Variants in DNAH7 observed in about 807,000 individuals in gnomAD.
DNAH7 encodes dynein axonemal heavy chain 7.
A neutral mutation model predicts 444.6 loss-of-function variants in DNAH7; 397 were observed. The observed-to-expected ratio is 0.89, with a 90% confidence interval of 0.82 to 0.97. The LOEUF is 0.97. Ranked by LOEUF, DNAH7 falls within the 50% of genes least tolerant of loss-of-function variation. The pLI is 0.00. For synonymous variants in DNAH7, 1,636 were observed against 1,624.4 expected, an observed-to-expected ratio of 1.01 and a Z score of -0.17; for missense variants, 4,902 against 4,800.8, an observed-to-expected ratio of 1.02 and a Z score of -0.62.
chr2:195,868,119 A>G (rs1442927217), intron 40 of DNAH7, among the ~76,000 whole-genome samples: 2 of 127,280 alleles, frequency 1.6e-5, no homozygotes, highest in Admixed American at 1.7e-4. Flanking sequence ...TTTTTGAGAC[A>G]GAGTCTCGCT....
Position 196,054,752 on chromosome 2 carries a change from C to T in DNAH7, c.78+3302G>A, listed in dbSNP as rs574610173. Among the ~76,000 whole-genome samples, 18 of 152,190 alleles carry T rather than the reference C, an allele frequency of 1.2e-4. 1 individual carries two copies. Among genetic ancestry groups the T allele is most frequent in the Middle Eastern group, 3.4e-3 (1 of 294 alleles). On this transcript the variant is annotated intron_variant, in intron 2 of 64. Coordinates refer to ENST00000312428, the MANE Select transcript of DNAH7 (RefSeq NM_018897.3). ...GTAATTGAATCATGGGAGCAGTTTC[C>T]CCCATGCTAGTCTTGTGATAGTGAG... is the stretch of plus-strand genomic sequence containing the variant.
chr2:195,846,949 A>ACG (rs1699030293), intron 46 of DNAH7, among the ~76,000 whole-genome samples: 3 of 137,158 alleles, frequency 2.2e-5, no homozygotes, highest in Non-Finnish European at 1.6e-5. Context: ...ACTCCCATAT[A>ACG]TGTGTGTGTG....
At chr2:195,789,840 G>GA (rs1253785844) in intron 57 of DNAH7, among the ~76,000 whole-genome samples, 1 of 151,612 alleles carries the variant, frequency 6.6e-6, no homozygotes, top group Non-Finnish European at 1.5e-5. Flanking sequence ...ACAGGCAAAA[G>GA]AAAAAATAAA....
chr2:195,777,513 G>A (rs1428268708), intron 59 of DNAH7, among the ~76,000 whole-genome samples: 1 of 151,900 alleles, frequency 6.6e-6, no homozygotes, highest in African/African-American at 2.4e-5. Context: ...CATTTTAATT[G>A]GGGACAATGT....
chr2:195,893,873 T>C (rs974080129), intron 30 of DNAH7: 39 of 152,094 alleles, frequency 2.6e-4, no homozygotes, highest in African/African-American at 9.2e-4. Flanking sequence ...CAGTGACCTG[T>C]TGGGTTCTTT....
chr2:195,843,262 C>T (rs1051384403), intron 47 of DNAH7, among the ~76,000 whole-genome samples: 9 of 152,166 alleles, frequency 5.9e-5, no homozygotes, highest in East Asian at 3.9e-4. Context: ...TTGTAAAAGG[C>T]GCTTAAAAAT....
Position 195,864,321 on chromosome 2 carries a change from T to A in DNAH7, c.7334A>T (p.Asp2445Val). 4 of 1,614,178 alleles carry A rather than the reference T, an allele frequency of 2.5e-6. No individual in the cohort carries two copies. Among genetic ancestry groups the A allele is most frequent in the Non-Finnish European group, 2.5e-6 (3 of 1,180,032 alleles). Residue 2445 changes from aspartate to valine, a missense_variant, in exon 41 of 65, where the codon GAT becomes GTT. Transcript: ENST00000312428. ...DKMRQLDRQR[D>V]KTKQTDGSPI... ...GCTGCCATCTGTTTGCTTGGTTTTA[T>A]CCCGCTGGCGATCTAACTGACGCAT...
At chr2:195,913,876 C>T (rs1203163857) in intron 24 of DNAH7, among the ~76,000 whole-genome samples, 3 of 152,170 alleles carry the variant, frequency 2.0e-5, no homozygotes, top group Admixed American at 6.5e-5. Flanking sequence ...CCACCATGCC[C>T]AGCAAGTTTT....
At chr2:195,953,132 T>C (rs1232042422) in intron 19 of DNAH7, among the ~76,000 whole-genome samples, 2 of 152,160 alleles carry the variant, frequency 1.3e-5, no homozygotes, top group Non-Finnish European at 2.9e-5. Flanking sequence ...GATGCCCTTT[T>C]TGTTGATGTT....
At chr2:196,049,669 A>T (rs1430168490) in intron 3 of DNAH7, among the ~76,000 whole-genome samples, 2 of 152,246 alleles carry the variant, frequency 1.3e-5, no homozygotes, top group African/African-American at 4.8e-5. Flanking sequence ...ATAAGACTCA[A>T]AGAATGCTGA....
intron 54 of DNAH7, 77 bp from the exon 55 acceptor site, chr2:195,799,549 GT>G: frequency 7.6e-7 from 1 of 1,320,198 alleles, no homozygotes; most frequent in Non-Finnish European, 1.0e-6. Context: ...ATTCAAAGGA[GT>G]TTTAAAACAA....
At chr2:195,750,913 T>C (rs1426869617) in intron 63 of DNAH7, among the ~76,000 whole-genome samples, 2 of 152,180 alleles carry the variant, frequency 1.3e-5, no homozygotes, top group South Asian at 2.1e-4. Context: ...TCCAGTATGG[T>C]GCTAAATTTA....
chr2:196,022,244 TCTAA>T (rs1695428732), intron 8 of DNAH7, among the ~76,000 whole-genome samples: 1 of 152,172 alleles, frequency 6.6e-6, no homozygotes, highest in African/African-American at 2.4e-5. Context: ...CTTAATGGCT[TCTAA>T]CTAACCAAGC....
In DNAH7 at chr2:195,868,035, T is replaced by C. The variant is rs888638434; in HGVS notation, c.6634-3014A>G. On this transcript the variant is annotated intron_variant, in intron 40 of 64. Coordinates refer to ENST00000312428, the MANE Select transcript of DNAH7 (RefSeq NM_018897.3). The stretch of plus-strand genomic sequence containing the variant: ...TTCTATATTACATTACTGCCAGCTA[T>C]GTATGAGGGTTCCAATTCTTCCACA... Among the ~76,000 whole-genome samples, 3 of 151,966 alleles carry C rather than the reference T, an allele frequency of 2.0e-5. No individual in the cohort carries two copies. The South Asian group carries it at 6.2e-4, about 32-fold the overall frequency.
At chr2:195,888,687 T>C in intron 32 of DNAH7, 112 bp downstream of exon 32, 2 of 1,157,304 alleles carry the variant, frequency 1.7e-6, no homozygotes, top group Non-Finnish European at 2.4e-6. Context: ...CACAGATCGC[T>C]CTTAAAAGAA....
chr2:196,001,604 A>C (rs1574990575), intron 11 of DNAH7, 71 bp downstream of exon 11: 1 of 1,335,400 alleles, frequency 7.5e-7, no homozygotes, highest in East Asian at 2.6e-5. Context: ...TAGAGATGTT[A>C]TTTTCCTCTC....
chr2:195,969,900 C>T (rs767400378), intron 17 of DNAH7, 48 bp downstream of exon 17: 5 of 1,561,436 alleles, frequency 3.2e-6, no homozygotes, highest in East Asian at 2.3e-5. Flanking sequence ...GAATTCAATG[C>T]TTTTTCAATT....
rs918154583 is a variant in DNAH7, at chr2:195,888,293, G to A, written c.5371C>T (p.Pro1791Ser). Reference protein sequence around the residue: ...FIMGLFDRMVPVSVEFIRKHT... With the variant: ...FIMGLFDRMVSVSVEFIRKHT... The stretch of plus-strand genomic sequence containing the variant: ...TTTCTAATAAATTCAACCGAAACAG[G>A]GACCATTCTGTCAAATAAGCCCATT... Residue 1791 changes from proline (P) to serine (S), a missense_variant, in exon 33 of 65, where the codon CCT (proline) becomes TCT (serine). Physicochemically the swap from Pro to Ser is moderately conservative, Grantham distance 74. Transcript: ENST00000312428. 15 of 1,609,970 alleles carry A rather than the reference G, an allele frequency of 9.3e-6. No homozygotes were observed. Among genetic ancestry groups the A allele is most frequent in the Admixed American group, 3.4e-5 (2 of 59,274 alleles).
At chr2:195,922,366 T>C (rs138780573) in intron 23 of DNAH7, among the ~76,000 whole-genome samples, 169 bp from the exon 24 acceptor site, 24 of 152,354 alleles carry the variant, frequency 1.6e-4, no homozygotes, top group Non-Finnish European at 2.2e-4. Flanking sequence ...CGATGAATAA[T>C]TGAAGTCACT....
Sources: gnomAD v4.1 joint callset for allele counts (sites outside exome capture counted in the v4.1 genomes callset) on GRCh38, gnomAD v4.1.1 for gene constraint, MANE v1.5 for transcripts, NCBI Gene and HGNC (gene_info 2026-07-23, HGNC 2026-07-21) for gene names.